Variants in NHSL1 observed in about 807,000 individuals in gnomAD.
NHSL1 encodes the protein NHS-like protein 1.
In NHSL1, 48 loss-of-function variants were observed where a neutral mutation model predicts 95.0. That is an observed-to-expected ratio of 0.51 (90% CI 0.40 to 0.64). The LOEUF (loss-of-function observed/expected upper bound fraction) is 0.64, where lower values mean the gene tolerates loss of function less well. Ranked by LOEUF, NHSL1 falls within the 30% of genes least tolerant of loss-of-function variation. The pLI, the probability that NHSL1 is intolerant of heterozygous loss-of-function variation, is 0.00. For synonymous variants in NHSL1, 783 were observed against 833.9 expected, an observed-to-expected ratio of 0.94 and a Z score of 1.05; for missense variants, 1,971 against 2,077.7, an observed-to-expected ratio of 0.95 and a Z score of 1.00.
chr6:138,589,209 A>G (rs888322075), intron 1 of NHSL1, among the ~76,000 whole-genome samples: 1 of 152,192 alleles, frequency 6.6e-6, no homozygotes, highest in Non-Finnish European at 1.5e-5. Flanking sequence ...AACACTCAGA[A>G]GTGTATCCTG....
chr6:138,445,821 T>C (rs1414539952), intron 4 of NHSL1, among the ~76,000 whole-genome samples: 2 of 152,202 alleles, frequency 1.3e-5, no homozygotes, highest in East Asian at 3.8e-4. Flanking sequence ...GGTCACCTAG[T>C]TTTTTTGTTA....
chr6:138,453,705 C>A (rs965043840), intron 3 of NHSL1, among the ~76,000 whole-genome samples: 1 of 151,972 alleles, frequency 6.6e-6, no homozygotes, highest in Non-Finnish European at 1.5e-5. Flanking sequence ...AGCCACCATG[C>A]CCAGCTAATT....
At chr6:138,626,168 C>T (rs1198704063) in intron 1 of NHSL1, among the ~76,000 whole-genome samples, 1 of 152,214 alleles carries the variant, frequency 6.6e-6, no homozygotes, top group East Asian at 1.9e-4. Context: ...CCAAATTATT[C>T]CACCTGTCTT....
chr6:138,583,328 G>T (rs1784088470), intron 1 of NHSL1, among the ~76,000 whole-genome samples: 1 of 152,168 alleles, frequency 6.6e-6, no homozygotes, highest in South Asian at 2.1e-4. Context: ...ATGGGGAAGG[G>T]AAATAACTCC....
intron 1 of NHSL1, among the ~76,000 whole-genome samples, chr6:138,593,078 A>G (rs979948120): frequency 3.5e-4 from 53 of 152,242 alleles, no homozygotes; most frequent in African/African-American, 1.3e-3. Context: ...CCATTAAAAC[A>G]TACACACCCA....
At chr6:138,634,706 A>G (rs1784865490) in intron 1 of NHSL1, among the ~76,000 whole-genome samples, 1 of 152,108 alleles carries the variant, frequency 6.6e-6, no homozygotes, top group African/African-American at 2.4e-5. Flanking sequence ...CCTAAGAGAT[A>G]TTTACAGAAC....
At chr6:138,688,452 T>C (rs1292193596) in intron 1 of NHSL1, among the ~76,000 whole-genome samples, 1 of 151,948 alleles carries the variant, frequency 6.6e-6, no homozygotes, top group Non-Finnish European at 1.5e-5. Flanking sequence ...AAGACCAGCC[T>C]GGTCAAGATG....
intron 1 of NHSL1, among the ~76,000 whole-genome samples, chr6:138,584,958 G>T (rs1015831628): frequency 6.6e-6 from 1 of 152,136 alleles, no homozygotes; most frequent in Non-Finnish European, 1.5e-5. Context: ...TGTGGGTAAG[G>T]ACCACAGGGC....
At chr6:138,657,970 G>A (rs1023989843) in intron 1 of NHSL1, among the ~76,000 whole-genome samples, 16 of 151,394 alleles carry the variant, frequency 1.1e-4, no homozygotes, top group African/African-American at 2.2e-4. Flanking sequence ...CTTAGTTTAC[G>A]AAAGAATAAA....
At chr6:138,600,235 C>A (rs1282395917) in intron 1 of NHSL1, among the ~76,000 whole-genome samples, 1 of 152,082 alleles carries the variant, frequency 6.6e-6, no homozygotes, top group African/African-American at 2.4e-5. Flanking sequence ...CTTTTATTTT[C>A]TTTTTCTTTT....
At chr6:138,470,149 T>A (rs907543393) in intron 3 of NHSL1, among the ~76,000 whole-genome samples, 2 of 152,228 alleles carry the variant, frequency 1.3e-5, no homozygotes, top group African/African-American at 4.8e-5. Flanking sequence ...TCAGATCTAA[T>A]GATTTAACAT....
At chr6:138,642,123 A>G (rs1784967313) in intron 1 of NHSL1, among the ~76,000 whole-genome samples, 1 of 152,184 alleles carries the variant, frequency 6.6e-6, no homozygotes, top group Admixed American at 6.5e-5. Context: ...TTAGAGAATC[A>G]AATCACTTAA....
At chr6:138,467,302 G>A (rs985335191) in intron 3 of NHSL1, among the ~76,000 whole-genome samples, 8 of 152,062 alleles carry the variant, frequency 5.3e-5, no homozygotes, top group Non-Finnish European at 1.0e-4. Context: ...GCAGGTGCCC[G>A]CCACCTCGCC....
chr6:138,564,150 T>C (rs1447625061), intron 1 of NHSL1, among the ~76,000 whole-genome samples: 4 of 152,186 alleles, frequency 2.6e-5, no homozygotes, highest in African/African-American at 4.8e-5. Context: ...ATCGAAATTA[T>C]GTTTCCACAA....
chr6:138,567,281 C>T (rs1049823042), intron 1 of NHSL1, among the ~76,000 whole-genome samples: 1 of 152,088 alleles, frequency 6.6e-6, no homozygotes, highest in Non-Finnish European at 1.5e-5. Context: ...GCACACACCA[C>T]CACACTTGAC....
chr6:138,588,720 G>A (rs758547672), intron 1 of NHSL1, among the ~76,000 whole-genome samples: 13 of 152,316 alleles, frequency 8.5e-5, no homozygotes, highest in Non-Finnish European at 1.5e-4. Flanking sequence ...AATTTTAACA[G>A]TTTGGGTGAA....
At chr6:138,660,775 G>A (rs1286447249) in intron 1 of NHSL1, among the ~76,000 whole-genome samples, 1 of 150,704 alleles carries the variant, frequency 6.6e-6, no homozygotes, top group Non-Finnish European at 1.5e-5. Flanking sequence ...GGGCAACATG[G>A]TGAAACCCTG....
chr6:138,674,475 C>T (rs565668167), intron 1 of NHSL1, among the ~76,000 whole-genome samples: 1 of 152,118 alleles, frequency 6.6e-6, no homozygotes, highest in Non-Finnish European at 1.5e-5. Flanking sequence ...CCCTAGCCCT[C>T]CCTCGCACCA....
At chr6:138,656,575 C>T (rs1024067735) in intron 1 of NHSL1, among the ~76,000 whole-genome samples, 1 of 152,070 alleles carries the variant, frequency 6.6e-6, no homozygotes, top group African/African-American at 2.4e-5. Context: ...CAGATTCAAG[C>T]GATAATACAT....
Sources: allele counts gnomAD v4.1 joint callset (sites outside exome capture counted in the v4.1 genomes callset), GRCh38; gene constraint gnomAD v4.1.1; transcripts MANE v1.5; gene names NCBI Gene and HGNC (gene_info 2026-07-23, HGNC 2026-07-21).